Variants in CACNA2D3 observed in about 807,000 individuals in gnomAD.
The protein encoded by CACNA2D3 is calcium voltage-gated channel auxiliary subunit alpha2delta 3.
A neutral mutation model predicts 160.6 loss-of-function variants in CACNA2D3; 60 were observed. That is an observed-to-expected ratio of 0.37 (90% CI 0.30 to 0.46). CACNA2D3 has a LOEUF of 0.46. Among genes scored for constraint, CACNA2D3 ranks in the 20% least tolerant of loss-of-function variants. The probability of loss-of-function intolerance (pLI) is 1.00; values close to 1 mark genes in which losing one functional copy is unlikely to be tolerated. For synonymous variants in CACNA2D3, 558 were observed against 492.9 expected, an observed-to-expected ratio of 1.13 and a Z score of -1.75; for missense variants, 1,205 against 1,365.0, an observed-to-expected ratio of 0.88 and a Z score of 1.85.
intron 11 of CACNA2D3, among the ~76,000 whole-genome samples, chr3:54,708,856 T>C (rs960314581): frequency 6.6e-6 from 1 of 152,184 alleles, no homozygotes; most frequent in African/African-American, 2.4e-5. Flanking sequence ...GTCTTAAGTT[T>C]TTCTCTTTTT....
intron 11 of CACNA2D3, among the ~76,000 whole-genome samples, chr3:54,689,771 C>T (rs765932804): frequency 6.6e-6 from 1 of 152,112 alleles, no homozygotes; most frequent in Non-Finnish European, 1.5e-5. Context: ...ATGAACACTA[C>T]ACTAGCCTCC....
Position 55,074,436 on chromosome 3 carries a change from A to T in CACNA2D3, c.*230A>T. ...AGTCATGCAAATGTGAGTTTGCCAC[A>T]TGATAATCACCCTTCATCAGAAATG... On this transcript the variant is annotated 3_prime_UTR_variant, in exon 38 of 38. Transcript: ENST00000474759. 1.8e-6 allele frequency: 1 copy of T among 540,584 alleles called. No individual in the cohort carries two copies. Among genetic ancestry groups the T allele is most frequent in the Non-Finnish European group, 3.3e-6 (1 of 301,964 alleles). 33.5% of individuals were successfully genotyped at this position (540,584 alleles called of 1,614,324 possible).
chr3:54,325,030 T>C (rs1288165664), intron 3 of CACNA2D3, among the ~76,000 whole-genome samples: 3 of 152,218 alleles, frequency 2.0e-5, no homozygotes, highest in Admixed American at 1.3e-4. Flanking sequence ...AGAAGGGTTA[T>C]ATTGCATGAC....
At chr3:54,733,698 G>T in intron 11 of CACNA2D3, among the ~76,000 whole-genome samples, 1 of 152,118 alleles carries the variant, frequency 6.6e-6, no homozygotes, top group African/African-American at 2.4e-5. Flanking sequence ...GCATGTTGTT[G>T]GGGTATGGAA....
intron 17 of CACNA2D3, among the ~76,000 whole-genome samples, chr3:54,860,801 C>T (rs1699273526): frequency 6.6e-6 from 1 of 152,064 alleles, no homozygotes; most frequent in Non-Finnish European, 1.5e-5. Context: ...TGAAATTCAT[C>T]CAAGCTACTT....
chr3:54,682,457 C>G (rs1391774533), intron 11 of CACNA2D3, among the ~76,000 whole-genome samples: 2 of 151,996 alleles, frequency 1.3e-5, no homozygotes, highest in Non-Finnish European at 2.9e-5. Context: ...GAAACCCTGT[C>G]TCTACTAAAA....
Position 54,718,430 on chromosome 3 carries a change from A to T in CACNA2D3, c.1168-34169A>T, listed in dbSNP as rs191412869. ...AATTAATTATGGCTTATTTTTCTCCATATAGTTGATGCAGCACGATTTATG... is the reference window on the plus strand; with the variant it reads ...AATTAATTATGGCTTATTTTTCTCCTTATAGTTGATGCAGCACGATTTATG... On this transcript the variant is annotated intron_variant, in intron 11 of 37. Transcript: ENST00000474759. Among the ~76,000 whole-genome samples, 53 of 152,200 alleles carry T rather than the reference A, an allele frequency of 3.5e-4. No individual in the cohort carries two copies. In the South Asian group the frequency reaches 4.6e-3, roughly 13 times the overall value.
rs140983140 is a variant in CACNA2D3 at position 54,837,738 on chromosome 3, G to A, written c.1470+508G>A. Among the ~76,000 whole-genome samples, 678 of 152,170 alleles carry A rather than the reference G, an allele frequency of 4.5e-3. 9 individuals carry two copies. The highest frequency in any genetic ancestry group is 0.039 in the Admixed American group (594 of 15,270). The stretch of plus-strand genomic sequence containing the variant: ...GGGCCCCCAGCATTCCTTGGCTTGT[G>A]GCAGTGTCACTCCAATCTCTGCCTC... On this transcript the variant is annotated intron_variant, in intron 15 of 37. Coordinates refer to ENST00000474759, the MANE Select transcript of CACNA2D3 (RefSeq NM_018398.3).
intron 27 of CACNA2D3, among the ~76,000 whole-genome samples, chr3:54,962,245 T>C (rs1280779379): frequency 6.6e-6 from 1 of 152,168 alleles, no homozygotes; most frequent in Admixed American, 6.5e-5. Context: ...AGCACACCTT[T>C]CCTTAATCCT....
chr3:55,051,016 T>C (rs1446923426), intron 35 of CACNA2D3, among the ~76,000 whole-genome samples: 1 of 147,162 alleles, frequency 6.8e-6, no homozygotes, highest in East Asian at 2.0e-4. Context: ...TAAATTTTTT[T>C]CAAAGTTTTC....
At chr3:54,878,777 C>CAAA (rs1342244888) in intron 18 of CACNA2D3, 23 of 348,524 alleles carry the variant, frequency 6.6e-5, no homozygotes, top group Non-Finnish European at 1.1e-4. Flanking sequence ...ATCGCCAAGG[C>CAAA]TCTTTTGTTA....
At chr3:54,271,754 G>A (rs1406117495) in intron 2 of CACNA2D3, among the ~76,000 whole-genome samples, 3 of 152,190 alleles carry the variant, frequency 2.0e-5, no homozygotes, top group Non-Finnish European at 2.9e-5. Context: ...TAGAGCCAAG[G>A]CATGGTGGTG....
intron 27 of CACNA2D3, among the ~76,000 whole-genome samples, chr3:54,951,937 A>AC (rs1329609664): frequency 6.6e-6 from 1 of 151,948 alleles, no homozygotes; most frequent in African/African-American, 2.4e-5. Flanking sequence ...CAACCTCCCT[A>AC]CCCCAGGTTC....
Position 55,074,283 on chromosome 3 carries a change from T to C in CACNA2D3, c.*77T>C. 8.6e-7 allele frequency: 1 copy of C among 1,168,780 alleles called. No homozygotes were observed. The highest frequency in any genetic ancestry group is 1.3e-6 in the Non-Finnish European group (1 of 775,212). 72.4% of individuals were successfully genotyped at this position (1,168,780 alleles called of 1,614,324 possible). On this transcript the variant is annotated 3_prime_UTR_variant, in exon 38 of 38. Transcript: ENST00000474759. ...ATCATGGATAAACTGTGAACCAAAA[T>C]ATGGTGCAACATACGAGACATGAAT...
At chr3:54,321,698 T>A (rs1704000196) in intron 3 of CACNA2D3, among the ~76,000 whole-genome samples, 1 of 152,128 alleles carries the variant, frequency 6.6e-6, no homozygotes, top group South Asian at 2.1e-4. Flanking sequence ...GCCCCAGTCA[T>A]AATGACCCCA....
intron 14 of CACNA2D3, among the ~76,000 whole-genome samples, chr3:54,831,094 A>G (rs2106745617): frequency 6.6e-6 from 1 of 152,362 alleles, no homozygotes; most frequent in South Asian, 2.1e-4. Context: ...TATAGAAGAA[A>G]TATGATATTT....
chr3:54,943,802 A>G (rs1448403679), intron 27 of CACNA2D3, among the ~76,000 whole-genome samples: 1 of 152,178 alleles, frequency 6.6e-6, no homozygotes, highest in East Asian at 1.9e-4. Context: ...TTTGCTGGGC[A>G]TGCAGGCACC....
chr3:54,574,413 GA>G (rs1246720427), intron 8 of CACNA2D3, among the ~76,000 whole-genome samples: 1 of 152,062 alleles, frequency 6.6e-6, no homozygotes, highest in Non-Finnish European at 1.5e-5. Flanking sequence ...ATATTATACT[GA>G]AAAGTTTCTG....
At chr3:55,049,718 T>A (rs1210080718) in intron 35 of CACNA2D3, among the ~76,000 whole-genome samples, 1 of 148,550 alleles carries the variant, frequency 6.7e-6, no homozygotes, top group African/African-American at 2.5e-5. Context: ...AAGTCTCCCA[T>A]TATTAATGTG....
Sources: allele counts gnomAD v4.1 joint callset (sites outside exome capture counted in the v4.1 genomes callset), GRCh38; gene constraint gnomAD v4.1.1; transcripts MANE v1.5; gene names NCBI Gene and HGNC (gene_info 2026-07-23, HGNC 2026-07-21).